The following KCNJ6 variants were observed in gnomAD, a reference collection of about 807,000 sequenced individuals.
KCNJ6 encodes potassium inwardly rectifying channel subfamily J member 6.
Under a neutral mutation model 34.2 loss-of-function variants are expected in KCNJ6, and 9 were observed. The ratio of observed to expected loss-of-function variants is 0.26; its 90% CI spans 0.16 to 0.46. KCNJ6 has a LOEUF of 0.46. Among genes scored for constraint, KCNJ6 ranks in the 20% least tolerant of loss-of-function variants. KCNJ6 has a pLI of 1.00. For missense variants in KCNJ6, 236 were observed against 531.3 expected, an observed-to-expected ratio of 0.44 and a Z score of 5.46; for synonymous variants, 196 against 207.1, an observed-to-expected ratio of 0.95 and a Z score of 0.46.
At chr21:37,663,187 T>A (rs1364334491) in intron 3 of KCNJ6, among the ~76,000 whole-genome samples, 2 of 152,150 alleles carry the variant, frequency 1.3e-5, no homozygotes, top group East Asian at 3.9e-4. Context: ...TAGTGGACGA[T>A]GATGGGTATT....
chr21:37,660,710 G>T (rs2054484297), intron 3 of KCNJ6, among the ~76,000 whole-genome samples: 1 of 152,212 alleles, frequency 6.6e-6, no homozygotes, highest in Non-Finnish European at 1.5e-5. Context: ...AGAGCATGCT[G>T]CTGTCATGCT....
At chr21:37,883,882 C>T (rs1052564974) in intron 1 of KCNJ6, among the ~76,000 whole-genome samples, 1 of 152,100 alleles carries the variant, frequency 6.6e-6, no homozygotes, top group Non-Finnish European at 1.5e-5. Context: ...AATAAGTGAG[C>T]CCCTGTTGGC....
intron 2 of KCNJ6, among the ~76,000 whole-genome samples, chr21:37,777,917 C>CA (rs1828980232): frequency 6.6e-6 from 1 of 152,190 alleles, no homozygotes; most frequent in East Asian, 1.9e-4. Context: ...TGGTTCAGCA[C>CA]ACCTGGAGCC....
intron 2 of KCNJ6, among the ~76,000 whole-genome samples, chr21:37,727,288 ATAG>A (rs890889897): frequency 1.7e-4 from 26 of 152,184 alleles, no homozygotes; most frequent in African/African-American, 6.3e-4. Context: ...CTGGAAACTA[ATAG>A]TAGGGGTGAC....
intron 2 of KCNJ6, among the ~76,000 whole-genome samples, chr21:37,735,661 G>A (rs1400567978): frequency 6.6e-6 from 1 of 152,188 alleles, no homozygotes; most frequent in Non-Finnish European, 1.5e-5. Flanking sequence ...GTGGGAGGAA[G>A]GGGTGTGTAA....
At chr21:37,732,426 A>G (rs2054890277) in intron 2 of KCNJ6, among the ~76,000 whole-genome samples, 1 of 152,154 alleles carries the variant, frequency 6.6e-6, no homozygotes, top group African/African-American at 2.4e-5. Context: ...TGGTTTTCCC[A>G]CTCCAGTTAA....
chr21:37,672,694 C>T (rs1043966052), intron 3 of KCNJ6, among the ~76,000 whole-genome samples: 1 of 152,106 alleles, frequency 6.6e-6, no homozygotes, highest in Non-Finnish European at 1.5e-5. Flanking sequence ...AGATGTAATA[C>T]ACATGTAAGG....
intron 3 of KCNJ6, among the ~76,000 whole-genome samples, chr21:37,693,190 A>G (rs2054647816): frequency 6.6e-6 from 1 of 152,234 alleles, no homozygotes; most frequent in Non-Finnish European, 1.5e-5. Context: ...GATGGTACCA[A>G]GTGCTATGTT....
chr21:37,680,764 AGCCT>A, intron 3 of KCNJ6, among the ~76,000 whole-genome samples: 1 of 152,288 alleles, frequency 6.6e-6, no homozygotes, highest in East Asian at 1.9e-4. Flanking sequence ...GGGAATTCTG[AGCCT>A]CCATAACTGT....
At chr21:37,841,324 A>G (rs766961060) in intron 1 of KCNJ6, among the ~76,000 whole-genome samples, 6 of 152,180 alleles carry the variant, frequency 3.9e-5, no homozygotes, top group Non-Finnish European at 8.8e-5. Context: ...CTAATTAAAA[A>G]ATGACTTTGG....
At chr21:37,877,484 A>G (rs770201765) in intron 1 of KCNJ6, among the ~76,000 whole-genome samples, 181 of 152,330 alleles carry the variant, frequency 1.2e-3, no homozygotes, top group Non-Finnish European at 2.4e-3. Flanking sequence ...TTGAGTGTCA[A>G]GTATAAAATC....
At chr21:37,749,437 G>C (rs1186501623) in intron 2 of KCNJ6, among the ~76,000 whole-genome samples, 2 of 152,110 alleles carry the variant, frequency 1.3e-5, no homozygotes, top group Non-Finnish European at 2.9e-5. Flanking sequence ...AGCCCCATAG[G>C]GACTGCTCAA....
intron 2 of KCNJ6, among the ~76,000 whole-genome samples, chr21:37,834,661 T>C (rs2055443159): frequency 6.6e-6 from 1 of 152,248 alleles, no homozygotes; most frequent in Non-Finnish European, 1.5e-5. Context: ...ATTGAGCTAA[T>C]TTAATGTGTG....
intron 1 of KCNJ6, among the ~76,000 whole-genome samples, chr21:37,857,971 G>C (rs78366607): frequency 1.3e-5 from 2 of 152,006 alleles, no homozygotes; most frequent in Admixed American, 1.3e-4. Flanking sequence ...AAAATAAAAA[G>C]AAAATAAATA....
At chr21:37,860,384 C>G (rs1449495082) in intron 1 of KCNJ6, among the ~76,000 whole-genome samples, 1 of 152,202 alleles carries the variant, frequency 6.6e-6, no homozygotes, top group Admixed American at 6.5e-5. Flanking sequence ...TCAGGCCACC[C>G]TCCTTTCTCG....
At chr21:37,626,130 C>CT (rs10649366) in intron 3 of KCNJ6, among the ~76,000 whole-genome samples, 63,746 of 142,904 alleles carry the variant, frequency 0.45, 14,441 homozygotes, top group Admixed American at 0.53. Context: ...TTTCCCCCTT[C>CT]TTTTTTTTTT....
chr21:37,687,374 G>A (rs937901614), intron 3 of KCNJ6, among the ~76,000 whole-genome samples: 2 of 152,032 alleles, frequency 1.3e-5, no homozygotes, highest in African/African-American at 2.4e-5. Flanking sequence ...TGTGGCAGCC[G>A]CTTCCCTTTC....
intron 2 of KCNJ6, among the ~76,000 whole-genome samples, chr21:37,809,390 G>T (rs2055310292): frequency 6.6e-6 from 1 of 152,060 alleles, no homozygotes; most frequent in East Asian, 1.9e-4. Flanking sequence ...TGGGGAGAGG[G>T]GGGAGGGATA....
intron 2 of KCNJ6, 67 bp from the exon 3 acceptor site, chr21:37,715,198 G>A (rs986439938): frequency 2.9e-6 from 4 of 1,361,108 alleles, no homozygotes; most frequent in Admixed American, 2.4e-5. Context: ...CAATGGAACG[G>A]CACACTTTGT....
Sources: gnomAD v4.1 joint callset for allele counts (sites outside exome capture counted in the v4.1 genomes callset) on GRCh38, gnomAD v4.1.1 for gene constraint, MANE v1.5 for transcripts, NCBI Gene and HGNC (gene_info 2026-07-23, HGNC 2026-07-21) for gene names.